WDSUB1: variants seen among roughly 807,000 people sequenced by gnomAD.
The protein encoded by WDSUB1 is WD repeat, sterile alpha motif and U-box domain containing 1.
Under a neutral mutation model 53.9 loss-of-function variants are expected in WDSUB1, and 49 were observed. The observed-to-expected ratio is 0.91, with a 90% CI of 0.72 to 1.15. The LOEUF is 1.15. WDSUB1 is among the 50% of genes most tolerant of loss of function. The pLI is 0.00. For synonymous variants in WDSUB1, 194 were observed against 200.6 expected (o/e 0.97, Z 0.28); for missense variants, 514 against 562.0 (o/e 0.91, Z 0.86).
Position 159,272,439 on chromosome 2 carries a change from T to C in WDSUB1, c.677-644A>G, listed in dbSNP as rs192721993. On this transcript the variant is annotated intron_variant, in intron 4 of 10. Coordinates refer to ENST00000359774, the MANE Select transcript of WDSUB1 (RefSeq NM_001128212.3). ...TCCTCCAGAGAGCTGCACATTGTCA[T>C]AGAGTCGGGGGATTTGTCAAATTAT... Among the ~76,000 whole-genome samples, 281 of 152,274 alleles carry C rather than the reference T, an allele frequency of 1.8e-3. 4 individuals carry two copies. The Middle Eastern group carries it at 0.034, about 18-fold the overall frequency.
At chr2:159,278,307 T>C (rs2061584878) in intron 3 of WDSUB1, among the ~76,000 whole-genome samples, 1 of 152,066 alleles carries the variant, frequency 6.6e-6, no homozygotes, top group Non-Finnish European at 1.5e-5. Context: ...TAAGAATGGG[T>C]TTATGAAAAG....
chr2:159,245,757 G>A (rs1002736275), intron 10 of WDSUB1, among the ~76,000 whole-genome samples: 3 of 152,104 alleles, frequency 2.0e-5, no homozygotes, highest in Non-Finnish European at 2.9e-5. Flanking sequence ...ATAAGTCCTA[G>A]ACCTAAACCT....
chr2:159,239,433 A>AT (rs2060580972), intron 10 of WDSUB1, among the ~76,000 whole-genome samples: 1 of 151,964 alleles, frequency 6.6e-6, no homozygotes, highest in East Asian at 1.9e-4. Context: ...TTGTTTATAG[A>AT]TTTTCTATTC....
chr2:159,249,390 G>C (rs918194491), intron 9 of WDSUB1, among the ~76,000 whole-genome samples: 6 of 152,236 alleles, frequency 3.9e-5, no homozygotes, highest in Middle Eastern at 3.4e-3. Context: ...TAGAATTATT[G>C]GCTGTTTACA....
intron 5 of WDSUB1, among the ~76,000 whole-genome samples, chr2:159,267,445 C>G (rs1250792783): frequency 6.6e-6 from 1 of 152,040 alleles, no homozygotes; most frequent in African/African-American, 2.4e-5. Context: ...AGACTACAGG[C>G]ACACACCCCT....
intron 5 of WDSUB1, among the ~76,000 whole-genome samples, chr2:159,265,129 A>C (rs1011050956): frequency 6.8e-6 from 1 of 147,808 alleles, no homozygotes; most frequent in Non-Finnish European, 1.5e-5. Flanking sequence ...ACAACAAAAA[A>C]AAACAACTCC....
intron 4 of WDSUB1, among the ~76,000 whole-genome samples, chr2:159,272,567 T>C (rs999530988): frequency 2.0e-5 from 3 of 152,176 alleles, no homozygotes; most frequent in African/African-American, 7.2e-5. Context: ...CAACAAAGGC[T>C]AGATGGGGTA....
intron 6 of WDSUB1, among the ~76,000 whole-genome samples, chr2:159,258,986 G>A (rs538506261): frequency 6.6e-6 from 1 of 152,102 alleles, no homozygotes; most frequent in East Asian, 1.9e-4. Flanking sequence ...GCATTAGGAG[G>A]CTCCACTCAA....
intron 9 of WDSUB1, among the ~76,000 whole-genome samples, chr2:159,254,238 A>G (rs1313118056): frequency 1.3e-5 from 2 of 152,218 alleles, no homozygotes; most frequent in Non-Finnish European, 2.9e-5. Flanking sequence ...TGAATCATTA[A>G]TTGATCATTA....
chr2:159,284,846 C>A (rs557670172), intron 1 of WDSUB1, among the ~76,000 whole-genome samples: 1 of 152,216 alleles, frequency 6.6e-6, no homozygotes, highest in African/African-American at 2.4e-5. Flanking sequence ...TTCTTTCCAG[C>A]CTCCTTGGCC....
At position 159,283,066 on chromosome 2, in the gene WDSUB1, C is replaced by T; in HGVS notation, c.4G>A (p.Val2Met). Residue 2 changes from valine to methionine, a missense_variant, in exon 2 of 11, where the codon GTG becomes ATG. Val to Met is a conservative substitution (Grantham distance 21). Transcript: ENST00000359774. M[V>M]KLIHTLADHG... is the part of the protein sequence containing the mutation. ...TCAGCTAATGTGTGAATCAGTTTCA[C>T]CATGTTCTTTATTTGAAGAAAAACA... 1 of 1,594,910 alleles carries T rather than the reference C, an allele frequency of 6.3e-7. No individual in the cohort carries two copies.
intron 10 of WDSUB1, among the ~76,000 whole-genome samples, chr2:159,238,800 G>T (rs2060559299): frequency 6.8e-6 from 1 of 147,142 alleles, no homozygotes; most frequent in African/African-American, 2.7e-5. Flanking sequence ...GGTTCCACGT[G>T]AAGAATCACC....
At chr2:159,285,610 G>A (rs1469170531) in intron 1 of WDSUB1, among the ~76,000 whole-genome samples, 4 of 152,136 alleles carry the variant, frequency 2.6e-5, no homozygotes, top group African/African-American at 9.7e-5. Context: ...AGAAGCTGAG[G>A]CGGGAGCATC....
chr2:159,261,721 A>G (rs2061192426), intron 5 of WDSUB1, among the ~76,000 whole-genome samples: 2 of 151,328 alleles, frequency 1.3e-5, no homozygotes, highest in African/African-American at 4.9e-5. Context: ...ACACAAAAAT[A>G]CTTTCATAAC....
rs1469608111 is a variant in WDSUB1, at chr2:159,256,190, G to A, written c.1132+6C>T. ...TTGAAGATTGCCTATCTTTCACTAA[G>A]CTTACCAATTTTCAAATCATCAGCC... On this transcript the variant is annotated splice_donor_region_variant and intron_variant, in intron 9 of 10. Coordinates refer to ENST00000359774, the MANE Select transcript of WDSUB1 (RefSeq NM_001128212.3). 1.9e-6 allele frequency: 3 copies of A among 1,593,372 alleles called. No individual in the cohort carries two copies. The African/African-American group carries it at 4.1e-5, about 22-fold the overall frequency.
At position 159,236,107 on chromosome 2, in the gene WDSUB1, G is replaced by A. The variant is rs755503963; in HGVS notation, c.1357C>T (p.Pro453Ser). ...RTSPMTNLVL[P>S]SAVLTPNRTL... ...CTATTTGGTGTAAGTACCGCTGAAG[G>A]AAGAACAAGATTTGTCATGGGACTT... Residue 453 changes from proline (P) to serine (S), a missense_variant, in exon 11 of 11, where the codon CCT (proline) becomes TCT (serine). Pro to Ser is a moderately conservative substitution (Grantham distance 74, BLOSUM62 -1). Transcript: ENST00000359774. 2 of 1,614,014 alleles carry A rather than the reference G, an allele frequency of 1.2e-6. No individual in the cohort carries two copies. The highest frequency in any genetic ancestry group is 1.7e-6 in the Non-Finnish European group (2 of 1,179,986).
rs1558869143 is a variant in WDSUB1, at chr2:159,271,726, T to C, written c.746A>G (p.His249Arg). The C allele has an allele frequency of 1.9e-6, 3 of 1,613,988 alleles. No individual in the cohort carries two copies. The highest frequency in any genetic ancestry group is 2.5e-6 in the Non-Finnish European group (3 of 1,179,978). Residue 249 changes from histidine to arginine, a missense_variant, in exon 5 of 11, where the codon CAT becomes CGT. By Grantham distance (29) the His-to-Arg change is conservative. Coordinates refer to ENST00000359774, the MANE Select transcript of WDSUB1 (RefSeq NM_001128212.3). ...CAPVLACAFS[H>R]DGQMLVSGSV... ...CCCTGAGACTAGCATCTGCCCATCA[T>C]GGGAAAAAGCACAAGCCAGAACAGG...
chr2:159,279,952 T>G lies in WDSUB1; in HGVS notation c.399-7A>C, dbSNP rs753642053. On this transcript the variant is annotated splice_region_variant and splice_polypyrimidine_tract_variant and intron_variant, in intron 2 of 10. Coordinates refer to ENST00000359774, the MANE Select transcript of WDSUB1 (RefSeq NM_001128212.3). The stretch of plus-strand genomic sequence containing the variant: ...ATCTTTAACACTACCACATCTGAAA[T>G]AAAAGCAAAAAGTGGGTTTTCATTT... 7.0e-5 allele frequency: 111 copies of G among 1,594,252 alleles called. No individual in the cohort carries two copies. Among genetic ancestry groups the G allele is most frequent in the Non-Finnish European group, 8.6e-5 (101 of 1,168,610 alleles).
At chr2:159,242,150 A>G (rs1282320449) in intron 10 of WDSUB1, among the ~76,000 whole-genome samples, 1 of 146,916 alleles carries the variant, frequency 6.8e-6, no homozygotes, top group Non-Finnish European at 1.5e-5. Context: ...TCCTGGGTTC[A>G]TGCCATTCTC....
Sources: allele counts gnomAD v4.1 joint callset (sites outside exome capture counted in the v4.1 genomes callset), GRCh38; gene constraint gnomAD v4.1.1; transcripts MANE v1.5; gene names NCBI Gene and HGNC (gene_info 2026-07-23, HGNC 2026-07-21).